The following DSG2 variants were observed in gnomAD, a reference collection of about 807,000 sequenced individuals.
DSG2 encodes the protein desmoglein-2.
Under a neutral mutation model 75.6 loss-of-function variants are expected in DSG2, and 45 were observed. The observed-to-expected ratio is 0.60, with a 90% confidence interval of 0.47 to 0.76. The LOEUF (loss-of-function observed/expected upper bound fraction) is 0.76. DSG2 is among the 30% of genes least tolerant of loss of function. The pLI, the probability that DSG2 is intolerant of heterozygous loss-of-function variation, is 0.00. For missense variants in DSG2, 1,267 were observed against 1,357.4 expected, an observed-to-expected ratio of 0.93 and a Z score of 1.05; for synonymous variants, 429 against 483.9, an observed-to-expected ratio of 0.89 and a Z score of 1.49.
At chr18:31,533,136 C>T (rs1479920639) in intron 9 of DSG2, among the ~76,000 whole-genome samples, 1 of 152,026 alleles carries the variant, frequency 6.6e-6, no homozygotes, top group Non-Finnish European at 1.5e-5. Context: ...AATTATTTTC[C>T]AAATGTTTAC....
Position 31,511,322 on chromosome 18 carries a change from G to T in DSG2, c.46-6917G>T, listed in dbSNP as rs150699672. ...CACTGGCATTTATCTCCCCTACCTC[G>T]AGCCCCACCCTGGTTTGACAACCAG... is the stretch of plus-strand genomic sequence containing the variant. On this transcript the variant is annotated intron_variant, in intron 1 of 14. Transcript: ENST00000261590. Among the ~76,000 whole-genome samples, 10 of 152,196 alleles carry T rather than the reference G, an allele frequency of 6.6e-5. No homozygotes were observed. In the East Asian group the frequency reaches 1.9e-3, roughly 29 times the overall value.
intron 1 of DSG2, among the ~76,000 whole-genome samples, chr18:31,509,754 C>T (rs900863524): frequency 2.0e-5 from 3 of 152,194 alleles, no homozygotes; most frequent in Non-Finnish European, 4.4e-5. Context: ...CACTTGAACT[C>T]TTCTGAACAT....
intron 3 of DSG2, 99 bp downstream of exon 3, chr18:31,520,036 G>A: frequency 6.9e-7 from 1 of 1,458,000 alleles, no homozygotes; most frequent in Non-Finnish European, 9.5e-7. Flanking sequence ...AATGTATGAT[G>A]TGCTTACAGA....
Position 31,535,379 on chromosome 18 carries a change from A to G in DSG2, c.1390A>G (p.Thr464Ala). 6.2e-7 allele frequency: 1 copy of G among 1,612,302 alleles called. No individual in the cohort carries two copies. The highest frequency in any genetic ancestry group is 1.1e-5 in the South Asian group (1 of 90,946). Residue 464 changes from threonine (T) to alanine (A), a missense_variant, in exon 10 of 15, where the codon ACA becomes GCA. Transcript: ENST00000261590. ...TGAATCTAGATATGTTCAAAATGGCACATACACTGTAAAGATTGTGGCCAT... is the reference window on the plus strand; with the variant it reads ...TGAATCTAGATATGTTCAAAATGGCGCATACACTGTAAAGATTGTGGCCAT... ...DFESRYVQNG[T>A]YTVKIVAISE...
rs886053714 is a variant in DSG2, at chr18:31,536,225, G to A, written c.1447G>A (p.Gly483Ser). The A allele has an allele frequency of 1.2e-5, 19 of 1,614,016 alleles. No homozygotes were observed. Among genetic ancestry groups the A allele is most frequent in the Non-Finnish European group, 1.4e-5 (17 of 1,179,994 alleles). ...AGATTATCCTAGAAAAACCATCACT[G>A]GCACAGTCCTTATCAATGTTGAAGA... ...SEDYPRKTIT[G>S]TVLINVEDIN... The change falls in exon 11 of 15, where the codon GGC becomes AGC. Residue 483 changes from glycine to serine, a missense_variant. Gly to Ser is a moderately conservative substitution (Grantham distance 56, BLOSUM62 0). Transcript: ENST00000261590.
At chr18:31,508,080 A>G (rs928323746) in intron 1 of DSG2, among the ~76,000 whole-genome samples, 7 of 152,146 alleles carry the variant, frequency 4.6e-5, no homozygotes, top group Non-Finnish European at 8.8e-5. Flanking sequence ...TAAGTCTTTA[A>G]TCCATCATGA....
chr18:31,530,924 G>T, intron 8 of DSG2, 63 bp from the exon 9 acceptor site: 1 of 1,467,756 alleles, frequency 6.8e-7, no homozygotes, highest in Non-Finnish European at 9.5e-7. Flanking sequence ...ACATGTATAT[G>T]TATATGTATA....
chr18:31,520,930 G>A lies in DSG2; in HGVS notation c.344G>A (p.Ser115Asn), dbSNP rs2073124006. Residue 115 changes from serine (S) to asparagine (N), a missense_variant, in exon 4 of 15, where the codon AGC becomes AAC. Ser to Asn is a conservative substitution (Grantham distance 46). Coordinates refer to ENST00000261590, the MANE Select transcript of DSG2 (RefSeq NM_001943.5). The part of the protein sequence containing the change: ...NKDTGELNVT[S>N]ILDREETPFF... ...GATACTGGAGAACTGAATGTTACCA[G>A]CATTCTTGATCGAGAAGAAACACCA... is the stretch of plus-strand genomic sequence containing the variant. The A allele has an allele frequency of 6.2e-7, 1 of 1,613,802 alleles. No individual in the cohort carries two copies. The highest frequency in any genetic ancestry group is 8.5e-7 in the Non-Finnish European group (1 of 1,179,900).
Position 31,546,250 on chromosome 18 carries a change from C to G in DSG2, c.2864C>G (p.Pro955Arg). The change falls in exon 15 of 15, where the codon CCT (proline) becomes CGT (arginine). Residue 955 changes from proline to arginine, a missense_variant. Transcript: ENST00000261590. ...TMPPTTVILG[P>R]SQPQSLIVTE... ...CCACCAACCACTGTGATCCTGGGTCCTAGCCAGCCACAGAGCCTTATTGTG... is the reference window on the plus strand; with the variant it reads ...CCACCAACCACTGTGATCCTGGGTCGTAGCCAGCCACAGAGCCTTATTGTG... 1 of 1,606,786 alleles carries G rather than the reference C, an allele frequency of 6.2e-7. No individual in the cohort carries two copies. The highest frequency in any genetic ancestry group is 8.5e-7 in the Non-Finnish European group (1 of 1,175,964).
At chr18:31,512,777 C>T (rs2073074261) in intron 1 of DSG2, among the ~76,000 whole-genome samples, 1 of 152,218 alleles carries the variant, frequency 6.6e-6, no homozygotes, top group South Asian at 2.1e-4. Context: ...TCCCACACTT[C>T]CAAGTCACTC....
chr18:31,503,052 C>T (rs910204505), intron 1 of DSG2, among the ~76,000 whole-genome samples: 2 of 152,108 alleles, frequency 1.3e-5, no homozygotes, highest in Admixed American at 6.5e-5. Flanking sequence ...GAATTCCTAC[C>T]GTGGTCGATA....
chr18:31,545,698 G>C, intron 14 of DSG2, 23 bp from the exon 15 acceptor site: 1 of 1,610,376 alleles, frequency 6.2e-7, no homozygotes, highest in Non-Finnish European at 8.5e-7. Flanking sequence ...TTTTGTGTTT[G>C]TTTTGTTTTG....
intron 3 of DSG2, 71 bp from the exon 4 acceptor site, chr18:31,520,731 CT>C: frequency 6.7e-7 from 1 of 1,500,078 alleles, no homozygotes; most frequent in Non-Finnish European, 9.2e-7. Context: ...ACTTCTTAGG[CT>C]TTTGGCTAAG....
At chr18:31,512,651 T>C (rs937047149) in intron 1 of DSG2, among the ~76,000 whole-genome samples, 1 of 152,214 alleles carries the variant, frequency 6.6e-6, no homozygotes, top group African/African-American at 2.4e-5. Context: ...CCCTGTGACA[T>C]CATCATCACT....
chr18:31,501,680 T>C (rs2073014677), intron 1 of DSG2, among the ~76,000 whole-genome samples: 1 of 152,206 alleles, frequency 6.6e-6, no homozygotes, highest in Non-Finnish European at 1.5e-5. Context: ...CCTCTGTGCA[T>C]GTCTGTGTCC....
In DSG2 at chr18:31,530,443, G is replaced by T. The variant is rs548132745; in HGVS notation, c.1015-544G>T. ...TGTGTGTGTGTATGTTTTGAGACAG[G>T]GTCTCACTTTATTGCCCAGGCTGAA... On this transcript the variant is annotated intron_variant, in intron 8 of 14. Transcript: ENST00000261590. Among the ~76,000 whole-genome samples the T allele has an allele frequency of 3.6e-4, 55 of 152,060 alleles. 1 individual carries two copies. The South Asian group carries it at 0.011, about 30-fold the overall frequency.
intron 6 of DSG2, chr18:31,522,672 C>T (rs2073135918): frequency 5.8e-6 from 1 of 171,922 alleles, no homozygotes; most frequent in South Asian, 1.3e-4. Context: ...ATAAAAACAG[C>T]ACCATTCTAG....
At position 31,518,255 on chromosome 18, in the gene DSG2, G is replaced by A; in HGVS notation, c.62G>A (p.Gly21Glu). 1 of 1,613,414 alleles carries A rather than the reference G, an allele frequency of 6.2e-7. No homozygotes were observed. Among genetic ancestry groups the A allele is most frequent in the East Asian group, 2.2e-5 (1 of 44,852 alleles). The change falls in exon 2 of 15, where the codon GGA (glycine) becomes GAA (glutamate). Residue 21 changes from glycine (G) to glutamate (E), a missense_variant. Gly to Glu is a moderately conservative substitution (Grantham distance 98). Coordinates refer to ENST00000261590, the MANE Select transcript of DSG2 (RefSeq NM_001943.5). Reference protein sequence around the residue: ...LLLLLICFNVGSGLHLQVLST... With the variant: ...LLLLLICFNVESGLHLQVLST... ...ATTTTACAGATCTGCTTTAACGTTG[G>A]AAGTGGACTTCACTTACAGGTGAGG...
rs138597636 is a variant in DSG2, at chr18:31,539,155, C to T, written c.1879+177C>T. On this transcript the variant is annotated intron_variant, in intron 12 of 14. Coordinates refer to ENST00000261590, the MANE Select transcript of DSG2 (RefSeq NM_001943.5). ...CAAATCACCAAAGCATAATATAAGA[C>T]TCTTCAGAATTTTGTTTTATAAATG... is the stretch of plus-strand genomic sequence containing the variant. Among the ~76,000 whole-genome samples the T allele has an allele frequency of 2.9e-3, 445 of 152,276 alleles. 1 individual carries two copies. Among genetic ancestry groups the T allele is most frequent in the African/African-American group, 9.3e-3 (386 of 41,540 alleles).
Sources: gnomAD v4.1 joint callset for allele counts (sites outside exome capture counted in the v4.1 genomes callset) on GRCh38, gnomAD v4.1.1 for gene constraint, MANE v1.5 for transcripts, NCBI Gene and HGNC (gene_info 2026-07-23, HGNC 2026-07-21) for gene names.